Variants in TRPC3 observed in about 807,000 individuals in gnomAD.
TRPC3 encodes transient receptor potential cation channel subfamily C member 3, also known as short transient receptor potential channel 3.
In TRPC3, 54 loss-of-function variants were observed where a neutral mutation model predicts 90.9. That is an observed-to-expected ratio of 0.59 (90% confidence interval 0.48 to 0.75). The LOEUF (loss-of-function observed/expected upper bound fraction) is 0.75. Ranked by LOEUF, TRPC3 falls within the 30% of genes least tolerant of loss-of-function variation. The probability of loss-of-function intolerance (pLI) is 0.00; values close to 1 mark genes in which losing one functional copy is unlikely to be tolerated. For synonymous variants in TRPC3, 424 were observed against 450.9 expected (o/e 0.94, Z 0.75); for missense variants, 918 against 1,194.5 (o/e 0.77, Z 3.41).
chr4:121,910,951 T>C (rs1177844019), intron 5 of TRPC3, among the ~76,000 whole-genome samples: 1 of 152,160 alleles, frequency 6.6e-6, no homozygotes, highest in Non-Finnish European at 1.5e-5. Flanking sequence ...TGAGAGGTCC[T>C]AGGACATTCT....
rs2149162042 is a variant in TRPC3, at chr4:121,951,980, G to A, written c.-300C>T. On this transcript the variant is annotated 5_prime_UTR_variant, in exon 1 of 12. Coordinates refer to ENST00000379645, the MANE Select transcript of TRPC3 (RefSeq NM_001130698.2). The surrounding 1 kb of genome is among the most constrained non-coding windows in gnomAD (Gnocchi z 4.4). ...CTCTGGTGCTGGGAGAGGCTCTCCA[G>A]CCCCGCGGCGGCGGCGATGCCTCCT... 6.8e-6 allele frequency among the ~76,000 whole-genome samples: 1 copy of A among 147,586 alleles called. No individual in the cohort carries two copies. Among genetic ancestry groups the A allele is most frequent in the Non-Finnish European group, 1.5e-5 (1 of 66,670 alleles).
chr4:121,891,127 A>C (rs1011984426), intron 10 of TRPC3, among the ~76,000 whole-genome samples: 1 of 152,212 alleles, frequency 6.6e-6, no homozygotes, highest in Admixed American at 6.5e-5. Flanking sequence ...ACCTCCGGTC[A>C]ACTATATGAG....
chr4:121,933,649 T>C (rs1730032317), intron 1 of TRPC3, among the ~76,000 whole-genome samples: 1 of 152,182 alleles, frequency 6.6e-6, no homozygotes, highest in Non-Finnish European at 1.5e-5. Flanking sequence ...AGACAGGGTC[T>C]CTGTGGCCCA....
intron 10 of TRPC3, among the ~76,000 whole-genome samples, chr4:121,897,505 A>T (rs1414082104): frequency 2.7e-5 from 4 of 147,978 alleles, no homozygotes; most frequent in Non-Finnish European, 6.0e-5. Context: ...CCAATTAAAA[A>T]TGGGCAAATA....
At position 121,951,550 on chromosome 4, in the gene TRPC3, T is replaced by G; in HGVS notation, c.131A>C (p.Asn44Thr). The G allele has an allele frequency of 7.0e-7, 1 of 1,431,064 alleles. No homozygotes were observed. The highest frequency in any genetic ancestry group is 9.2e-7 in the Non-Finnish European group (1 of 1,089,324). The allele number at this position is 1,431,064 out of a possible 1,614,324, so 88.6% of individuals were successfully genotyped here. The change falls in exon 1 of 12, where the codon AAC becomes ACC. Residue 44 changes from asparagine (N) to threonine (T), a missense_variant. Transcript: ENST00000379645. This position sits in a 1 kb window ranked among gnomAD's most constrained non-coding sequence, Gnocchi z 4.4. ...CGCCGAGCGCGGCTCCAGCCCCCCG[T>G]TGACGCCCCTCCAGCCCCGGCGGCG... ...QRRRRGWRGV[N>T]GGLEPRSAPS...
intron 10 of TRPC3, among the ~76,000 whole-genome samples, chr4:121,891,646 C>A (rs929471836): frequency 5.3e-5 from 8 of 152,170 alleles, no homozygotes; most frequent in African/African-American, 1.9e-4. Flanking sequence ...TCCTCTCCCC[C>A]TCCCAGATTA....
At chr4:121,882,530 G>A (rs968707727) in intron 10 of TRPC3, 101 bp from the exon 11 acceptor site, 2 of 1,034,266 alleles carry the variant, frequency 1.9e-6, no homozygotes, top group African/African-American at 3.3e-5. Context: ...AAACAACTCA[G>A]GGGAGAAAAA....
At chr4:121,883,988 T>C (rs554896999) in intron 10 of TRPC3, among the ~76,000 whole-genome samples, 17 of 152,276 alleles carry the variant, frequency 1.1e-4, no homozygotes, top group Admixed American at 1.1e-3. Context: ...ACAATGTTTG[T>C]AGCAACCCTG....
At chr4:121,947,893 C>T (rs1327636559) in intron 1 of TRPC3, among the ~76,000 whole-genome samples, 2 of 152,186 alleles carry the variant, frequency 1.3e-5, no homozygotes, top group Admixed American at 1.3e-4. Flanking sequence ...ACTGATTCTT[C>T]TAACAGTAGA....
Position 121,951,235 on chromosome 4 carries a change from C to G in TRPC3, c.215+231G>C, listed in dbSNP as rs1464848546. ...TCCGTGTGCTTGAGCCTGGACAGAG[C>G]CCCTGCCACGCACTCGGCAGCCCCT... On this transcript the variant is annotated intron_variant, in intron 1 of 11. Transcript: ENST00000379645. The surrounding 1 kb of genome is among the most constrained non-coding windows in gnomAD (Gnocchi z 4.4). 1.3e-5 allele frequency among the ~76,000 whole-genome samples: 2 copies of G among 152,116 alleles called. No individual in the cohort carries two copies. The highest frequency in any genetic ancestry group is 2.9e-5 in the Non-Finnish European group (2 of 67,994).
intron 2 of TRPC3, among the ~76,000 whole-genome samples, chr4:121,930,308 T>C (rs1232685435): frequency 6.6e-6 from 1 of 152,314 alleles, no homozygotes; most frequent in South Asian, 2.1e-4. Flanking sequence ...ATTTAGATGA[T>C]TTTTGCTTAA....
At chr4:121,929,286 A>G (rs1195006217) in intron 2 of TRPC3, among the ~76,000 whole-genome samples, 1 of 151,816 alleles carries the variant, frequency 6.6e-6, no homozygotes, top group Admixed American at 6.6e-5. Context: ...GATTATATTC[A>G]TTTTTTTTCT....
chr4:121,920,191 T>A (rs1203967021), intron 3 of TRPC3, among the ~76,000 whole-genome samples: 1 of 152,182 alleles, frequency 6.6e-6, no homozygotes, highest in African/African-American at 2.4e-5. Context: ...GTGTTCACTA[T>A]CCTTCCAGTT....
intron 3 of TRPC3, among the ~76,000 whole-genome samples, chr4:121,918,230 C>T (rs1236195257): frequency 6.6e-6 from 1 of 152,170 alleles, no homozygotes; most frequent in Non-Finnish European, 1.5e-5. Context: ...CCTGCTGGTG[C>T]CTTGATCTTG....
chr4:121,885,894 C>T (rs1225807765), intron 10 of TRPC3, among the ~76,000 whole-genome samples: 1 of 152,114 alleles, frequency 6.6e-6, no homozygotes, highest in South Asian at 2.1e-4. Flanking sequence ...TTTCTTGGTA[C>T]AAGCCTGTGA....
chr4:121,951,559 C>T lies in TRPC3; in HGVS notation c.122G>A (p.Arg41Lys). The change falls in exon 1 of 12, where the codon AGG becomes AAG. Residue 41 changes from arginine to lysine, a missense_variant. By Grantham distance (26) the Arg-to-Lys change is conservative (BLOSUM62 2). Around this residue, in one of 4 missense-constraint regions of TRPC3, gnomAD observed 609 missense variants for 725.9 expected, o/e 0.84. Transcript: ENST00000379645. The surrounding 1 kb of genome is among the most constrained non-coding windows in gnomAD (Gnocchi z 4.4). Reference protein sequence around the residue: ...AEPQRRRRGWRGVNGGLEPRS... With the variant: ...AEPQRRRRGWKGVNGGLEPRS... ...CGGCTCCAGCCCCCCGTTGACGCCC[C>T]TCCAGCCCCGGCGGCGGCGCTGCGG... The T allele has an allele frequency of 6.9e-7, 1 of 1,445,180 alleles. No individual in the cohort carries two copies. Among genetic ancestry groups the T allele is most frequent in the Non-Finnish European group, 9.1e-7 (1 of 1,095,542 alleles). 89.5% of individuals were successfully genotyped at this position (1,445,180 alleles called of 1,614,324 possible). A position where few individuals can be genotyped will look rare whatever the true frequency, so the allele number is the denominator to read the frequency against.
At chr4:121,917,296 T>G (rs1446279319) in intron 3 of TRPC3, among the ~76,000 whole-genome samples, 2 of 152,206 alleles carry the variant, frequency 1.3e-5, no homozygotes, top group Non-Finnish European at 2.9e-5. Context: ...GAAGGCTTCC[T>G]GGGTATATGT....
chr4:121,916,138 A>G lies in TRPC3; in HGVS notation c.1177-1194T>C, dbSNP rs556270031. 7.2e-5 allele frequency among the ~76,000 whole-genome samples: 11 copies of G among 152,328 alleles called. No homozygotes were observed. In the South Asian group the frequency reaches 1.0e-3, roughly 14 times the overall value. ...AATCCTGATGATTCTTAGTAACTCCAGGCAATTCCTAGAGTTATTAATATT... is the reference window on the plus strand; with the variant it reads ...AATCCTGATGATTCTTAGTAACTCCGGGCAATTCCTAGAGTTATTAATATT... On this transcript the variant is annotated intron_variant, in intron 3 of 11. Transcript: ENST00000379645.
At chr4:121,900,209 G>T (rs943413784) in intron 9 of TRPC3, among the ~76,000 whole-genome samples, 1 of 152,220 alleles carries the variant, frequency 6.6e-6, no homozygotes, top group Non-Finnish European at 1.5e-5. Flanking sequence ...ATTTTGGAGA[G>T]AATTGGGCTA....
Sources: gnomAD v4.1 joint callset for allele counts (sites outside exome capture counted in the v4.1 genomes callset) on GRCh38, gnomAD v4.1.1 for gene constraint, gnomAD v4.1.1 regional missense constraint, Gnocchi (gnomAD v3.1) non-coding constraint, MANE v1.5 for transcripts, NCBI Gene and HGNC (gene_info 2026-07-23, HGNC 2026-07-21) for gene names.